ZFYVE26: variants seen among roughly 807,000 people sequenced by gnomAD.
ZFYVE26 encodes zinc finger FYVE-type containing 26.
In ZFYVE26, 181 loss-of-function variants were observed where a neutral mutation model predicts 276.5. The ratio of observed to expected loss-of-function variants is 0.65; its 90% CI spans 0.58 to 0.74. The LOEUF is 0.74. Ranked by LOEUF, ZFYVE26 falls within the 30% of genes least tolerant of loss-of-function variation. ZFYVE26 has a pLI of 0.00. For missense variants in ZFYVE26, 2,821 were observed against 3,097.9 expected (o/e 0.91, Z 2.12); for synonymous variants, 1,129 against 1,203.1 (o/e 0.94, Z 1.27).
intron 33 of ZFYVE26, 40 bp from the exon 34 acceptor site, chr14:67,762,452 A>T: frequency 6.3e-7 from 1 of 1,590,022 alleles, no homozygotes; most frequent in African/African-American, 1.3e-5. Flanking sequence ...TGGTAGCTAC[A>T]TTCAGGCCTA....
intron 13 of ZFYVE26, among the ~76,000 whole-genome samples, chr14:67,731,218 T>C (rs1457351809): frequency 1.8e-4 from 25 of 142,656 alleles, no homozygotes; most frequent in African/African-American, 6.2e-4. Flanking sequence ...TTTTTTTTTT[T>C]TTTTTTTTTT....
At chr14:67,742,749 T>A (rs547618249), downstream of ZFYVE26, among the ~76,000 whole-genome samples, 12 of 151,818 alleles carry the variant, frequency 7.9e-5, no homozygotes, top group South Asian at 2.5e-3. Context: ...TGTTTTCAAA[T>A]GAGGAGGTGG....
At position 67,778,114 on chromosome 14, in the gene ZFYVE26, C is replaced by A; in HGVS notation, c.4797+12G>T. The A allele has an allele frequency of 6.2e-7, 1 of 1,614,112 alleles. No individual in the cohort carries two copies. The highest frequency in any genetic ancestry group is 8.5e-7 in the Non-Finnish European group (1 of 1,179,988). The stretch of plus-strand genomic sequence containing the variant: ...CACCCCAGAAGAAAAATGGAAAGAA[C>A]TGGGGGCTTACTTGCAGAGCCTTGT... On this transcript the variant is annotated intron_variant, in intron 24 of 41. Transcript: ENST00000347230.
intron 10 of ZFYVE26, chr14:67,798,979 G>A (rs1487065035): frequency 1.2e-5 from 14 of 1,127,016 alleles, no homozygotes; most frequent in Non-Finnish European, 1.6e-5. Context: ...AGGGGCGGGG[G>A]TGATTTACGG....
At chr14:67,788,581 C>A (rs1055982621) in intron 16 of ZFYVE26, among the ~76,000 whole-genome samples, 6 of 152,144 alleles carry the variant, frequency 3.9e-5, no homozygotes, top group Admixed American at 3.9e-4. Context: ...ATCCTATGAG[C>A]CTTTTTACTT....
In ZFYVE26 at chr14:67,735,619, T is replaced by A. The variant is rs189722228; in HGVS notation, n.2680-5800A>T. ...GCCCCTCAACATACAGGAAACAAGATCCTGGATGAGAAGGGCTCAGGGATT... is the reference window on the plus strand; with the variant it reads ...GCCCCTCAACATACAGGAAACAAGAACCTGGATGAGAAGGGCTCAGGGATT... On this transcript the variant is annotated intron_variant and non_coding_transcript_variant, in intron 13 of 14. Transcript: ENST00000394455. Among the ~76,000 whole-genome samples, 23 of 152,308 alleles carry A rather than the reference T, an allele frequency of 1.5e-4. No individual in the cohort carries two copies. The East Asian group carries it at 4.5e-3, about 29-fold the overall frequency.
intron 29 of ZFYVE26, among the ~76,000 whole-genome samples, chr14:67,768,883 A>T (rs945588371): frequency 6.6e-6 from 1 of 152,226 alleles, no homozygotes; most frequent in Non-Finnish European, 1.5e-5. Flanking sequence ...GACAAACACA[A>T]TAATGCTATG....
intron 25 of ZFYVE26, 124 bp downstream of exon 25, chr14:67,777,435 A>G: frequency 2.6e-6 from 4 of 1,518,878 alleles, no homozygotes; most frequent in Non-Finnish European, 3.6e-6. Flanking sequence ...AGCCATTGAA[A>G]AGGCAAGTTC....
intron 31 of ZFYVE26, 64 bp from the exon 32 acceptor site, chr14:67,766,511 C>T: frequency 6.7e-7 from 1 of 1,496,904 alleles, no homozygotes; most frequent in Non-Finnish European, 9.3e-7. Flanking sequence ...TCTCCAAAGG[C>T]AGCTGGGTGG....
At chr14:67,736,648 T>A (rs1281526765) in intron 13 of ZFYVE26, among the ~76,000 whole-genome samples, 1 of 152,196 alleles carries the variant, frequency 6.6e-6, no homozygotes, top group Non-Finnish European at 1.5e-5. Flanking sequence ...CCAAAAAGCA[T>A]ACCTCAAACA....
intron 13 of ZFYVE26, among the ~76,000 whole-genome samples, chr14:67,739,824 A>G (rs1361078973): frequency 6.6e-6 from 1 of 152,250 alleles, no homozygotes; most frequent in Non-Finnish European, 1.5e-5. Context: ...TATATAATCT[A>G]TATTAGCCAA....
chr14:67,769,630 C>T lies in ZFYVE26; in HGVS notation c.5585G>A (p.Arg1862His), dbSNP rs140471625. The change falls in exon 29 of 42, where the codon CGT (arginine) becomes CAT (histidine). Residue 1862 changes from arginine to histidine, a missense_variant. Transcript: ENST00000347230. ...VVEGCRENPARVCDQCYSYCN... is the reference protein window; with the variant it reads ...VVEGCRENPAHVCDQCYSYCN... The stretch of plus-strand genomic sequence containing the variant: ...GTAACTATAGCACTGATCACACACA[C>T]GAGCAGGGTTCTCTCTGCAGCCTTC... 5.9e-5 allele frequency: 96 copies of T among 1,613,874 alleles called. No homozygotes were observed. The highest frequency in any genetic ancestry group is 7.6e-5 in the Non-Finnish European group (90 of 1,179,912).
Position 67,733,967 on chromosome 14 carries a change from G to A in ZFYVE26, n.2680-4148C>T, listed in dbSNP as rs900110139. 4.2e-5 allele frequency: 30 copies of A among 711,472 alleles called. No homozygotes were observed. The African/African-American group carries it at 4.4e-4, about 10-fold the overall frequency. The allele number at this position is 711,472 out of a possible 1,614,324, so 44.1% of individuals were successfully genotyped here. ...CCAGCTGGTGCTGCGAATCCTGCCT[G>A]CTCTGATCCTCTTGACCCTTCTGGG... On this transcript the variant is annotated intron_variant and non_coding_transcript_variant, in intron 13 of 14. Transcript: ENST00000394455.
At chr14:67,743,727 A>G (rs112212722), downstream of ZFYVE26, among the ~76,000 whole-genome samples, 2 of 152,300 alleles carry the variant, frequency 1.3e-5, no homozygotes, top group African/African-American at 4.8e-5. Context: ...GGGGGCAGTC[A>G]AGATGACTGC....
At position 67,789,522 on chromosome 14, in the gene ZFYVE26, C is replaced by T. The variant is rs751424383; in HGVS notation, c.2832G>A (p.Gln944=). ...GAGCCGTGCTTATCCAAAAGTCCTC[C>T]TGGAGCATGGGGATGGGGTCTCCAG... ...NTSGDPIPML[Q]EDFWISTALV... is the part of the protein sequence containing the mutation. Residue 944 remains glutamine (Q), a synonymous_variant, in exon 16 of 42, where the codon CAG becomes CAA. Transcript: ENST00000347230. 1 of 1,614,152 alleles carries T rather than the reference C, an allele frequency of 6.2e-7. No homozygotes were observed. The highest frequency in any genetic ancestry group is 8.5e-7 in the Non-Finnish European group (1 of 1,180,034).
chr14:67,743,923 AGAG>A (rs2038450054), downstream of ZFYVE26, among the ~76,000 whole-genome samples: 1 of 152,216 alleles, frequency 6.6e-6, no homozygotes, highest in Non-Finnish European at 1.5e-5. Flanking sequence ...AGGGTAGGGT[AGAG>A]GAGGTGCTGA....
rs528412685 is a variant in ZFYVE26 at position 67,781,850 on chromosome 14, G to C, written c.4373-321C>G. Among the ~76,000 whole-genome samples, 9 of 152,336 alleles carry C rather than the reference G, an allele frequency of 5.9e-5. No homozygotes were observed. The East Asian group carries it at 1.2e-3, about 20-fold the overall frequency. The stretch of plus-strand genomic sequence containing the variant: ...GATGAAGCTCTCCATGTTTTGGCAT[G>C]CTGAACATATAGGACTGTTTCAGAC... On this transcript the variant is annotated intron_variant, in intron 21 of 41. Transcript: ENST00000347230.
At chr14:67,776,795 T>C (rs1351696558) in intron 25 of ZFYVE26, among the ~76,000 whole-genome samples, 2 of 152,248 alleles carry the variant, frequency 1.3e-5, no homozygotes, top group Non-Finnish European at 2.9e-5. Flanking sequence ...TGGGTGTATC[T>C]TCTTAAGGAA....
chr14:67,748,162 G>T lies in ZFYVE26; in HGVS notation c.*274C>A, dbSNP rs957614871. ...TCAGCGCACAGGAACATGCACACGT[G>T]TGTGCACACATACTCACTCACTCAC... On this transcript the variant is annotated 3_prime_UTR_variant, in exon 42 of 42. Transcript: ENST00000347230. 3.6e-5 allele frequency: 19 copies of T among 530,908 alleles called. No individual in the cohort carries two copies. The Admixed American group carries it at 4.4e-4, about 12-fold the overall frequency. The allele number at this position is 530,908 out of a possible 1,614,324, so 32.9% of individuals were successfully genotyped here.
Sources: gnomAD v4.1 joint callset for allele counts (sites outside exome capture counted in the v4.1 genomes callset) on GRCh38, gnomAD v4.1.1 for gene constraint, MANE v1.5 for transcripts, NCBI Gene and HGNC (gene_info 2026-07-23, HGNC 2026-07-21) for gene names.